The following GRIK3 variants were observed in gnomAD, a reference collection of about 807,000 sequenced individuals.
GRIK3 encodes the protein glutamate ionotropic receptor kainate type subunit 3, also known as glutamate receptor ionotropic, kainate 3.
Under a neutral mutation model 102.5 loss-of-function variants are expected in GRIK3, and 29 were observed. The ratio of observed to expected loss-of-function variants is 0.28; its 90% confidence interval spans 0.21 to 0.39. GRIK3 has a LOEUF of 0.39. GRIK3 is among the 10% of genes least tolerant of loss of function. The pLI, the probability that GRIK3 is intolerant of heterozygous loss-of-function variation, is 1.00. For missense variants in GRIK3, 908 were observed against 1,252.4 expected (o/e 0.73, Z 4.15); for synonymous variants, 511 against 504.9 (o/e 1.01, Z -0.16).
At chr1:36,812,466 A>C (rs1442493084) in intron 13 of GRIK3, among the ~76,000 whole-genome samples, 1 of 152,144 alleles carries the variant, frequency 6.6e-6, no homozygotes, top group Non-Finnish European at 1.5e-5. Flanking sequence ...ACGCTTTCCC[A>C]ACGTTCTCCT....
intron 1 of GRIK3, among the ~76,000 whole-genome samples, chr1:36,959,255 C>T (rs550748539): frequency 1.7e-5 from 2 of 115,802 alleles, no homozygotes; most frequent in African/African-American, 6.2e-5. Flanking sequence ...CCTGTGTGTC[C>T]GGTAAGTCTG....
At chr1:36,803,980 G>A (rs556681701) in intron 15 of GRIK3, among the ~76,000 whole-genome samples, 2 of 152,328 alleles carry the variant, frequency 1.3e-5, no homozygotes, top group East Asian at 1.9e-4. Flanking sequence ...CAAAATGTAT[G>A]GATGCTGTGG....
chr1:36,893,611 C>T (rs1641142103), intron 1 of GRIK3, among the ~76,000 whole-genome samples: 1 of 152,108 alleles, frequency 6.6e-6, no homozygotes, highest in Admixed American at 6.5e-5. Flanking sequence ...GAAATGTATA[C>T]CCAGCCTGTT....
At chr1:36,832,481 A>T (rs142248367) in intron 10 of GRIK3, among the ~76,000 whole-genome samples, 151 of 152,322 alleles carry the variant, frequency 9.9e-4, no homozygotes, top group Middle Eastern at 3.4e-3. Flanking sequence ...CATGAACCTG[A>T]CAAACCAACA....
At chr1:36,898,351 A>G (rs185489792) in intron 1 of GRIK3, among the ~76,000 whole-genome samples, 11 of 152,312 alleles carry the variant, frequency 7.2e-5, no homozygotes, top group African/African-American at 2.6e-4. Flanking sequence ...TGATGTGATT[A>G]TTACATATTG....
At chr1:36,883,953 A>T (rs1641010919) in intron 2 of GRIK3, among the ~76,000 whole-genome samples, 1 of 152,232 alleles carries the variant, frequency 6.6e-6, no homozygotes, top group South Asian at 2.1e-4. Flanking sequence ...AACACCAGAG[A>T]TTGCCACTTA....
At chr1:36,853,847 T>C in intron 7 of GRIK3, 125 bp from the exon 8 acceptor site, 1 of 654,708 alleles carries the variant, frequency 1.5e-6, no homozygotes, top group South Asian at 1.8e-5. Context: ...CCATGATTAA[T>C]TAATAATCAC....
intron 13 of GRIK3, among the ~76,000 whole-genome samples, chr1:36,811,176 G>T (rs984145653): frequency 6.6e-6 from 1 of 152,070 alleles, no homozygotes; most frequent in African/African-American, 2.4e-5. Context: ...TCCATAGGTG[G>T]CCGGAGTCAC....
chr1:36,940,936 C>T (rs1037320763), intron 1 of GRIK3, among the ~76,000 whole-genome samples: 14 of 152,200 alleles, frequency 9.2e-5, no homozygotes, highest in Admixed American at 8.5e-4. Context: ...CAATCAGACC[C>T]AAACACACAT....
At position 36,880,803 on chromosome 1, in the gene GRIK3, G is replaced by A. The variant is rs927565034; in HGVS notation, c.381C>T (p.Ala127=). The A allele has an allele frequency of 2.5e-6, 4 of 1,613,824 alleles. No individual in the cohort carries two copies. The African/African-American group carries it at 5.3e-5, about 22-fold the overall frequency. Residue 127 remains alanine, a synonymous_variant, in exon 3 of 16, where the codon GCC becomes GCT. Transcript: ENST00000373091. This position sits in a 1 kb window ranked among gnomAD's most constrained non-coding sequence, Gnocchi z 5.4. ...GCAGCTGGATGTGGGGCACCTCCAG[G>A]GCATTGCAGATGGACTGGACGGCAT... ...CTNAVQSICN[A]LEVPHIQLRW...
chr1:36,968,340 C>G (rs928524707), intron 1 of GRIK3, among the ~76,000 whole-genome samples: 1 of 152,088 alleles, frequency 6.6e-6, no homozygotes, highest in Admixed American at 6.5e-5. Flanking sequence ...CTTTTCCTCT[C>G]CCCCACCATC....
At position 36,850,642 on chromosome 1, in the gene GRIK3, T is replaced by G. The variant is rs75489058; in HGVS notation, c.1213-218A>C. On this transcript the variant is annotated intron_variant, in intron 8 of 15. Coordinates refer to ENST00000373091, the MANE Select transcript of GRIK3 (RefSeq NM_000831.4). This position sits in a 1 kb window ranked among gnomAD's most constrained non-coding sequence, Gnocchi z 4.0. ...CTGACGAGGGTCCCAGGGTGTCGAA[T>G]CTCTGAATTCTGCCACCTCCCTTGC... Among the ~76,000 whole-genome samples the G allele has an allele frequency of 1.9e-4, 29 of 152,326 alleles. 1 individual carries two copies. In the South Asian group the frequency reaches 4.8e-3, roughly 25 times the overall value.
At chr1:36,939,842 G>T (rs981906584) in intron 1 of GRIK3, among the ~76,000 whole-genome samples, 4 of 150,698 alleles carry the variant, frequency 2.7e-5, no homozygotes, top group Non-Finnish European at 5.9e-5. Flanking sequence ...AGGAAGGGCT[G>T]CCAGAGGAGG....
chr1:36,827,896 T>C (rs1570747002), intron 10 of GRIK3, among the ~76,000 whole-genome samples: 1 of 152,108 alleles, frequency 6.6e-6, no homozygotes, highest in East Asian at 1.9e-4. Context: ...TTTGATGACC[T>C]TCAGAACCTG....
intron 1 of GRIK3, among the ~76,000 whole-genome samples, chr1:37,008,681 C>T (rs1028700527): frequency 6.6e-6 from 1 of 152,168 alleles, no homozygotes; most frequent in East Asian, 1.9e-4. Flanking sequence ...TGGAGAGCTC[C>T]ATGCACTCAC....
rs1641494374 is a variant in GRIK3, at chr1:36,923,384, A to G, written c.116-32288T>C. ...TGATTGGAACAGGGAAAGGGCAGGG[A>G]AGAGACACCCAAGGGGGCATCCCCA... is the stretch of plus-strand genomic sequence containing the variant. On this transcript the variant is annotated intron_variant, in intron 1 of 15. Transcript: ENST00000373091. Among the ~76,000 whole-genome samples the G allele has an allele frequency of 2.6e-5, 4 of 152,192 alleles. No individual in the cohort carries two copies. In the South Asian group the frequency reaches 8.3e-4, roughly 32 times the overall value.
At chr1:36,933,695 T>G (rs1641621931) in intron 1 of GRIK3, among the ~76,000 whole-genome samples, 1 of 152,224 alleles carries the variant, frequency 6.6e-6, no homozygotes, top group Non-Finnish European at 1.5e-5. Context: ...ACACACTTTT[T>G]TCCAACATTA....
chr1:36,909,294 C>CTTTTTTTTTTTTTTTTTTTTT (rs112156014), intron 1 of GRIK3, among the ~76,000 whole-genome samples: 1 of 139,672 alleles, frequency 7.2e-6, no homozygotes. Flanking sequence ...CAAATCAGGG[C>CTTTTTTTTTTTTTTTTTTTTT]TTTTTTTTTT....
intron 1 of GRIK3, among the ~76,000 whole-genome samples, chr1:36,893,577 C>T (rs929947964): frequency 6.6e-6 from 1 of 152,136 alleles, no homozygotes; most frequent in African/African-American, 2.4e-5. Flanking sequence ...GAAAGAGATA[C>T]CTGCTTAACT....
Sources: allele counts gnomAD v4.1 joint callset (sites outside exome capture counted in the v4.1 genomes callset), GRCh38; gene constraint gnomAD v4.1.1; non-coding constraint Gnocchi (gnomAD v3.1); transcripts MANE v1.5; gene names NCBI Gene and HGNC (gene_info 2026-07-23, HGNC 2026-07-21).